RBFOX1: variants seen among roughly 807,000 people sequenced by gnomAD.
RBFOX1 encodes the protein RNA binding protein fox-1 homolog 1.
In RBFOX1, 8 loss-of-function variants were observed where a neutral mutation model predicts 57.7. The ratio of observed to expected loss-of-function variants is 0.14; its 90% confidence interval spans 0.08 to 0.25. RBFOX1 has a LOEUF of 0.25. RBFOX1 is among the 10% of genes least tolerant of loss of function. The probability of loss-of-function intolerance (pLI) is 1.00; values close to 1 mark genes in which losing one functional copy is unlikely to be tolerated. For synonymous variants in RBFOX1, 326 were observed against 222.4 expected (o/e 1.47, Z -4.15); for missense variants, 611 against 548.5 (o/e 1.11, Z -1.14).
At chr16:5,363,930 C>G (rs1198053884) in intron 1 of RBFOX1, among the ~76,000 whole-genome samples, 1 of 152,212 alleles carries the variant, frequency 6.6e-6, no homozygotes, top group Non-Finnish European at 1.5e-5. Context: ...CCTGGAACCA[C>G]AACTCCAGCT....
intron 1 of RBFOX1, among the ~76,000 whole-genome samples, chr16:6,292,820 C>G (rs1011048145): frequency 6.6e-6 from 1 of 152,156 alleles, no homozygotes; most frequent in African/African-American, 2.4e-5. Flanking sequence ...TGAAACTCAG[C>G]CTGGGAGCTA....
At chr16:5,486,257 C>T (rs1002570487) in intron 2 of RBFOX1, among the ~76,000 whole-genome samples, 4 of 152,192 alleles carry the variant, frequency 2.6e-5, no homozygotes, top group Non-Finnish European at 5.9e-5. Flanking sequence ...CAAGGGTCAT[C>T]TCATGTCCTG....
intron 9 of RBFOX1, among the ~76,000 whole-genome samples, chr16:7,606,163 C>G (rs981480871): frequency 2.7e-5 from 4 of 147,704 alleles, no homozygotes; most frequent in African/African-American, 1.0e-4. Flanking sequence ...ACACTGTCAC[C>G]TGGGCTGGAG....
intron 3 of RBFOX1, among the ~76,000 whole-genome samples, chr16:6,947,311 G>C (rs2079743543): frequency 6.6e-6 from 1 of 152,162 alleles, no homozygotes; most frequent in Non-Finnish European, 1.5e-5. Context: ...CACAGGTAGG[G>C]TGTGATTTAA....
intron 3 of RBFOX1, among the ~76,000 whole-genome samples, chr16:6,844,777 G>A (rs1437734727): frequency 6.6e-6 from 1 of 152,132 alleles, no homozygotes; most frequent in Non-Finnish European, 1.5e-5. Flanking sequence ...CTTCTGCAAT[G>A]GTTGAACTAA....
intron 1 of RBFOX1, among the ~76,000 whole-genome samples, chr16:6,177,053 A>T (rs1040419010): frequency 2.6e-5 from 4 of 152,202 alleles, no homozygotes; most frequent in African/African-American, 9.7e-5. Context: ...TCAGCAACTG[A>T]AAACAACGTA....
intron 1 of RBFOX1, among the ~76,000 whole-genome samples, chr16:6,308,249 C>T (rs925812350): frequency 2.0e-5 from 3 of 152,082 alleles, no homozygotes; most frequent in African/African-American, 7.2e-5. Context: ...AAATGATCAT[C>T]ATCTGTTATT....
intron 3 of RBFOX1, among the ~76,000 whole-genome samples, chr16:6,861,906 A>G (rs1028894650): frequency 1.4e-5 from 2 of 147,966 alleles, no homozygotes; most frequent in Non-Finnish European, 3.0e-5. Flanking sequence ...AACATTAACA[A>G]GAGCTCTCTC....
At chr16:5,518,857 A>G (rs763714991) in intron 2 of RBFOX1, among the ~76,000 whole-genome samples, 4 of 152,202 alleles carry the variant, frequency 2.6e-5, no homozygotes, top group Non-Finnish European at 4.4e-5. Context: ...CCGCATCCCT[A>G]TCCCCCTAAC....
rs2056226370 is a variant in RBFOX1 at position 5,830,474 on chromosome 16, A to G, written c.319-36829A>G. Among the ~76,000 whole-genome samples, 3 of 151,982 alleles carry G rather than the reference A, an allele frequency of 2.0e-5. No individual in the cohort carries two copies. The South Asian group carries it at 6.2e-4, about 32-fold the overall frequency. ...GCCACTGAGGGAAAGAGGATTGTATAGAGGCCGGGACTGTGGGGGCTGAGT... is the reference window on the plus strand; with the variant it reads ...GCCACTGAGGGAAAGAGGATTGTATGGAGGCCGGGACTGTGGGGGCTGAGT... On this transcript the variant is annotated intron_variant, in intron 3 of 19. Coordinates refer to the RBFOX1 transcript ENST00000641259.
rs141035421 is a variant in RBFOX1, at chr16:7,687,586, G to A, written c.995+10748G>A. ...GTTTAATATTCAGAAAACACTCATG[G>A]CTGAGTTCCATATGGCACGTCTAGC... On this transcript the variant is annotated intron_variant, in intron 14 of 15. Coordinates refer to ENST00000550418, the MANE Select transcript of RBFOX1 (RefSeq NM_018723.4). 3.2e-3 allele frequency among the ~76,000 whole-genome samples: 481 copies of A among 152,044 alleles called. 4 individuals are homozygous for A. Among genetic ancestry groups the A allele is most frequent in the African/African-American group, 0.011 (448 of 41,480 alleles).
chr16:6,775,153 G>A (rs1032294600), intron 3 of RBFOX1, among the ~76,000 whole-genome samples: 33 of 143,068 alleles, frequency 2.3e-4, no homozygotes, highest in Admixed American at 2.8e-4. Flanking sequence ...GTGAAACCCC[G>A]TCTCTACTAA....
intron 3 of RBFOX1, among the ~76,000 whole-genome samples, chr16:6,757,843 AC>A (rs547756828): frequency 5.5e-4 from 84 of 152,286 alleles, no homozygotes; most frequent in Non-Finnish European, 9.3e-4. Flanking sequence ...GGTGATGGAT[AC>A]CCCCAATTAC....
intron 4 of RBFOX1, among the ~76,000 whole-genome samples, chr16:5,908,279 C>T (rs1195574203): frequency 7.0e-6 from 1 of 142,822 alleles, no homozygotes; most frequent in African/African-American, 2.6e-5. Flanking sequence ...TATATACATA[C>T]ATATATATAC....
chr16:6,558,320 T>TGCC (rs767629311), intron 2 of RBFOX1, among the ~76,000 whole-genome samples: 27 of 152,294 alleles, frequency 1.8e-4, no homozygotes, highest in Non-Finnish European at 3.8e-4. Context: ...CAGAGCATGT[T>TGCC]GCCGCTGCTG....
chr16:5,430,939 C>A (rs2067714173), intron 1 of RBFOX1, among the ~76,000 whole-genome samples: 1 of 152,140 alleles, frequency 6.6e-6, no homozygotes, highest in Admixed American at 6.5e-5. Flanking sequence ...TCAGTGGGGA[C>A]CTGCTCAGTA....
chr16:5,924,047 G>T (rs2058891634), intron 4 of RBFOX1, among the ~76,000 whole-genome samples: 1 of 152,056 alleles, frequency 6.6e-6, no homozygotes, highest in African/African-American at 2.4e-5. Context: ...CTGTTCTCAG[G>T]ATAGTGACTG....
At chr16:5,816,640 C>T (rs1189045224) in intron 3 of RBFOX1, among the ~76,000 whole-genome samples, 4 of 152,042 alleles carry the variant, frequency 2.6e-5, no homozygotes, top group Admixed American at 1.3e-4. Context: ...CAAAATTAGC[C>T]AGATGTCATG....
In RBFOX1 at chr16:7,440,591, C is replaced by G. The variant is rs548453474; in HGVS notation, c.28-77556C>G. On this transcript the variant is annotated intron_variant, in intron 4 of 15. Coordinates refer to ENST00000550418, the MANE Select transcript of RBFOX1 (RefSeq NM_018723.4). ...TAGAGATCCTGTTGTGATTTTCATA[C>G]TTTTAATCTGGAGAGTTGCTTAATG... Among the ~76,000 whole-genome samples the G allele has an allele frequency of 1.2e-4, 18 of 152,240 alleles. No homozygotes were observed. In the South Asian group the frequency reaches 3.5e-3, roughly 30 times the overall value.
Sources: gnomAD v4.1 joint callset for allele counts (sites outside exome capture counted in the v4.1 genomes callset) on GRCh38, gnomAD v4.1.1 for gene constraint, MANE v1.5 for transcripts, NCBI Gene and HGNC (gene_info 2026-07-23, HGNC 2026-07-21) for gene names.